DGCR8: variants seen among roughly 807,000 people sequenced by gnomAD.
DGCR8 encodes DGCR8 microprocessor complex subunit.
DGCR8 carries 14 observed loss-of-function variants against 78.5 expected under a neutral mutation model. That is an observed-to-expected ratio of 0.18 (90% confidence interval 0.12 to 0.28). The LOEUF is 0.28. Ranked by LOEUF, DGCR8 falls within the 10% of genes least tolerant of loss-of-function variation. The probability of loss-of-function intolerance (pLI) is 1.00; values close to 1 mark genes in which losing one functional copy is unlikely to be tolerated. For synonymous variants in DGCR8, 399 were observed against 402.4 expected, an observed-to-expected ratio of 0.99 and a Z score of 0.10; for missense variants, 702 against 1,022.5, an observed-to-expected ratio of 0.69 and a Z score of 4.28.
At position 20,106,294 on chromosome 22, in the gene DGCR8, C is replaced by T; in HGVS notation, c.1889+17C>T. 1.3e-6 allele frequency: 2 copies of T among 1,579,254 alleles called. No individual in the cohort carries two copies. The highest frequency in any genetic ancestry group is 8.7e-7 in the Non-Finnish European group (1 of 1,149,922). ...CCTTAAAAGGTAGGGTAGGGGGGTG[C>T]CTCCCCCCATGAGTCAGGTCGGGGG... is the stretch of plus-strand genomic sequence containing the variant. On this transcript the variant is annotated intron_variant, in intron 10 of 13. Coordinates refer to ENST00000351989, the MANE Select transcript of DGCR8 (RefSeq NM_022720.7).
chr22:20,084,376 C>T (rs1558497), intron 1 of DGCR8, among the ~76,000 whole-genome samples: 20,184 of 152,228 alleles, frequency 0.13, 1,718 homozygotes, highest in Non-Finnish European at 0.19. Context: ...TGTGCATGTG[C>T]GTGTGTCTGC....
In DGCR8 at chr22:20,106,613, G is replaced by C. The variant is rs771220313; in HGVS notation, c.1911G>C (p.Thr637=). The C allele has an allele frequency of 6.2e-6, 10 of 1,613,632 alleles. No homozygotes were observed. The highest frequency in any genetic ancestry group is 1.3e-5 in the African/African-American group (1 of 74,940). The change falls in exon 11 of 14, where the codon ACG becomes ACC. Residue 637 remains threonine (T), a synonymous_variant. Coordinates refer to ENST00000351989, the MANE Select transcript of DGCR8 (RefSeq NM_022720.7). ...CLKRNHGMGD[T]SIKFEVVPGK... ...AAAGAAACCATGGGATGGGTGACAC[G>C]TCTATCAAGTTTGAAGTGGTTCCTG...
At chr22:20,101,422 C>T (rs1351577874) in intron 9 of DGCR8, 3 of 696,828 alleles carry the variant, frequency 4.3e-6, no homozygotes, top group Non-Finnish European at 1.8e-6. Context: ...TAAAAACATA[C>T]AAAAAATTAG....
intron 13 of DGCR8, 106 bp from the exon 14 acceptor site, chr22:20,109,919 C>T: frequency 8.8e-7 from 1 of 1,130,012 alleles, no homozygotes. Flanking sequence ...GTTGGGGCTC[C>T]AGGGCCTCCT....
At chr22:20,088,329 T>C (rs1429719487) in intron 3 of DGCR8, among the ~76,000 whole-genome samples, 1 of 152,118 alleles carries the variant, frequency 6.6e-6, no homozygotes, top group Non-Finnish European at 1.5e-5. Context: ...TGGTGCTGCA[T>C]TTTCAACAGG....
chr22:20,086,372 T>C lies in DGCR8; in HGVS notation c.409T>C (p.Tyr137His), dbSNP rs749037488. The C allele has an allele frequency of 2.5e-6, 4 of 1,614,010 alleles. No individual in the cohort carries two copies. Among genetic ancestry groups the C allele is most frequent in the Non-Finnish European group, 3.4e-6 (4 of 1,180,014 alleles). ...SCRSKDRKVLYTGAERDVRAE... is the reference protein window; with the variant it reads ...SCRSKDRKVLHTGAERDVRAE... ...CAGGAGTAAGGACAGGAAGGTGCTG[T>C]ACACAGGAGCAGAGCGCGACGTGCG... The change falls in exon 2 of 14, where the codon TAC becomes CAC. Residue 137 changes from tyrosine (Y) to histidine (H), a missense_variant. This residue lies in a region of DGCR8 where 356 missense variants were observed against 448.9 expected (regional missense o/e 0.79). Coordinates refer to ENST00000351989, the MANE Select transcript of DGCR8 (RefSeq NM_022720.7). This position sits in a 1 kb window ranked among gnomAD's most constrained non-coding sequence, Gnocchi z 6.4.
At chr22:20,104,776 C>T (rs1568961152) in intron 9 of DGCR8, among the ~76,000 whole-genome samples, 1 of 152,196 alleles carries the variant, frequency 6.6e-6, no homozygotes. Context: ...TTTCGCTTGC[C>T]AACCTCAGGG....
intron 5 of DGCR8, among the ~76,000 whole-genome samples, chr22:20,090,611 TC>T (rs2049544718): frequency 6.6e-6 from 1 of 152,232 alleles, no homozygotes; most frequent in Admixed American, 6.5e-5. Flanking sequence ...TTTTGATTTG[TC>T]TTGATGAGCT....
intron 1 of DGCR8, among the ~76,000 whole-genome samples, chr22:20,083,904 G>T (rs560245208): frequency 4.6e-5 from 7 of 152,312 alleles, no homozygotes; most frequent in African/African-American, 1.7e-4. Context: ...GCACTTTATA[G>T]TCAGTTGTTA....
At chr22:20,091,321 C>A in intron 5 of DGCR8, 114 bp from the exon 6 acceptor site, 1 of 1,022,932 alleles carries the variant, frequency 9.8e-7, no homozygotes, top group Non-Finnish European at 1.5e-6. Context: ...TTGAAAGGGA[C>A]GGGGAAAGGA....
chr22:20,098,230 A>G (rs1035613040), intron 9 of DGCR8, among the ~76,000 whole-genome samples: 6 of 152,090 alleles, frequency 3.9e-5, no homozygotes, highest in South Asian at 2.1e-4. Flanking sequence ...GGCTCAAGCA[A>G]TCTGCCCACC....
chr22:20,082,581 G>A (rs954042180), intron 1 of DGCR8, among the ~76,000 whole-genome samples: 2 of 151,936 alleles, frequency 1.3e-5, no homozygotes, highest in Admixed American at 6.5e-5. Context: ...GTTAGCCAGG[G>A]TGGTGTCGAT....
chr22:20,107,507 A>T lies in DGCR8; in HGVS notation c.2124+109A>T. Reference sequence around the variant, plus strand: ...GAGCTGGGCAGCTCTGCTGTTGCTCACAGCTGCCTCTCTCCTGGGCCACTT... The same window carrying T: ...GAGCTGGGCAGCTCTGCTGTTGCTCTCAGCTGCCTCTCTCCTGGGCCACTT... On this transcript the variant is annotated intron_variant, in intron 12 of 13. Coordinates refer to ENST00000351989, the MANE Select transcript of DGCR8 (RefSeq NM_022720.7). The T allele has an allele frequency of 1.9e-5, 27 of 1,397,736 alleles. No homozygotes were observed. In the South Asian group the frequency reaches 2.5e-4, roughly 13 times the overall value. 86.6% of individuals were successfully genotyped at this position (1,397,736 alleles called of 1,614,324 possible).
rs2049493531 is a variant in DGCR8, at chr22:20,087,074, G to A, written c.721-88G>A. On this transcript the variant is annotated intron_variant, in intron 2 of 13. Transcript: ENST00000351989. The surrounding 1 kb of genome is among the most constrained non-coding windows in gnomAD (Gnocchi z 4.1). ...GGCCCCCTGAGAGCACCTCCTTTCT[G>A]TGTCTGTTCTCAGGAATGCTGTTGA... 1.8e-5 allele frequency: 27 copies of A among 1,505,324 alleles called. No homozygotes were observed. Among genetic ancestry groups the A allele is most frequent in the Non-Finnish European group, 2.4e-5 (27 of 1,117,116 alleles). The allele number at this position is 1,505,324 out of a possible 1,614,324, so 93.2% of individuals were successfully genotyped here. A position where few individuals can be genotyped will look rare whatever the true frequency, so the allele number is the denominator to read the frequency against.
chr22:20,083,026 C>T (rs1207314671), intron 1 of DGCR8, among the ~76,000 whole-genome samples: 1 of 152,150 alleles, frequency 6.6e-6, no homozygotes, highest in Admixed American at 6.5e-5. Context: ...TGTCACGTCC[C>T]CTCAGCACAC....
At chr22:20,098,531 T>C (rs777387858) in intron 9 of DGCR8, among the ~76,000 whole-genome samples, 2 of 152,208 alleles carry the variant, frequency 1.3e-5, no homozygotes, top group African/African-American at 2.4e-5. Flanking sequence ...CTCACCTCCC[T>C]TAAGTTTATA....
chr22:20,080,321 C>G lies in DGCR8; in HGVS notation c.-340C>G, dbSNP rs1372867043. Reference sequence around the variant, plus strand: ...TTTCCAGATGGCTGCGGCGGTCGGTCGGTGAGGCTTTCCCGGCTGTGGTTT... The same window carrying G: ...TTTCCAGATGGCTGCGGCGGTCGGTGGGTGAGGCTTTCCCGGCTGTGGTTT... On this transcript the variant is annotated 5_prime_UTR_variant, in exon 1 of 14. Transcript: ENST00000351989. 1.0e-6 allele frequency: 1 copy of G among 980,838 alleles called. No individual in the cohort carries two copies. Among genetic ancestry groups the G allele is most frequent in the East Asian group, 1.1e-4 (1 of 8,708 alleles). The allele number at this position is 980,838 out of a possible 1,614,324, so 60.8% of individuals were successfully genotyped here. A position where few individuals can be genotyped will look rare whatever the true frequency, so the allele number is the denominator to read the frequency against.
Position 20,107,382 on chromosome 22 carries a change from G to A in DGCR8, c.2108G>A (p.Ser703Asn). 1 of 1,614,154 alleles carries A rather than the reference G, an allele frequency of 6.2e-7. No individual in the cohort carries two copies. The highest frequency in any genetic ancestry group is 8.5e-7 in the Non-Finnish European group (1 of 1,180,018). ...SLLRMYGRES[S>N]KMVKQETSDK... ...CTGCGCATGTATGGCCGTGAGAGCA[G>A]CAAGATGGTCAAGCAGGTAACTGGC... Residue 703 changes from serine to asparagine, a missense_variant, in exon 12 of 14, where the codon AGC becomes AAC. Around this residue, in one of 4 missense-constraint regions of DGCR8, gnomAD observed 225 missense variants for 427.7 expected, o/e 0.53. Coordinates refer to ENST00000351989, the MANE Select transcript of DGCR8 (RefSeq NM_022720.7).
At chr22:20,088,315 G>A (rs1358124277) in intron 3 of DGCR8, among the ~76,000 whole-genome samples, 1 of 152,172 alleles carries the variant, frequency 6.6e-6, no homozygotes, top group Non-Finnish European at 1.5e-5. Flanking sequence ...CTAGGAGGCT[G>A]GTTTGGTGCT....
Sources: gnomAD v4.1 joint callset for allele counts (sites outside exome capture counted in the v4.1 genomes callset) on GRCh38, gnomAD v4.1.1 for gene constraint, gnomAD v4.1.1 regional missense constraint, Gnocchi (gnomAD v3.1) non-coding constraint, MANE v1.5 for transcripts, NCBI Gene and HGNC (gene_info 2026-07-23, HGNC 2026-07-21) for gene names.